PPP4R3A: variants seen among roughly 807,000 people sequenced by gnomAD.
PPP4R3A encodes serine/threonine-protein phosphatase 4 regulatory subunit 3A.
Under a neutral mutation model 91.7 loss-of-function variants are expected in PPP4R3A, and 15 were observed. The observed-to-expected ratio is 0.16, with a 90% CI of 0.11 to 0.25. The LOEUF (loss-of-function observed/expected upper bound fraction) is 0.25. Among genes scored for constraint, PPP4R3A ranks in the 10% least tolerant of loss-of-function variants. The pLI, the probability that PPP4R3A is intolerant of heterozygous loss-of-function variation, is 1.00. For missense variants in PPP4R3A, 623 were observed against 998.4 expected (o/e 0.62, Z 5.07); for synonymous variants, 377 against 348.7 (o/e 1.08, Z -0.91).
Position 91,473,666 on chromosome 14 carries a change from T to A in PPP4R3A, c.1267-296A>T, listed in dbSNP as rs536685799. Among the ~76,000 whole-genome samples the A allele has an allele frequency of 3.3e-5, 5 of 152,384 alleles. No individual in the cohort carries two copies. In the South Asian group the frequency reaches 1.0e-3, roughly 32 times the overall value. Reference sequence around the variant, plus strand: ...ATATATCTTTACAACTTTCTAATAATGTAATCTACCTTTTGAAGAAAGCCA... The same window carrying A: ...ATATATCTTTACAACTTTCTAATAAAGTAATCTACCTTTTGAAGAAAGCCA... On this transcript the variant is annotated intron_variant, in intron 7 of 14. Coordinates refer to ENST00000554943, the MANE Select transcript of PPP4R3A (RefSeq NM_001366432.2).
At chr14:91,475,677 G>T (rs1197689494) in intron 7 of PPP4R3A, 134 bp downstream of exon 7, 4 of 798,056 alleles carry the variant, frequency 5.0e-6, no homozygotes, top group Admixed American at 6.4e-5. Flanking sequence ...AACCAATTTA[G>T]GGGAACAATA....
At position 91,461,465 on chromosome 14, in the gene PPP4R3A, C is replaced by G; in HGVS notation, c.2307G>C (p.Pro769=). 6.2e-7 allele frequency: 1 copy of G among 1,614,038 alleles called. No individual in the cohort carries two copies. Among genetic ancestry groups the G allele is most frequent in the Non-Finnish European group, 8.5e-7 (1 of 1,180,000 alleles). ...QSSTTNLPGS[P]GSPGSPGSPG... ...GAGATCCTGGGGATCCAGGTGATCCCGGAGAACCAGGCAGATTTGTTGTAG... is the reference window on the plus strand; with the variant it reads ...GAGATCCTGGGGATCCAGGTGATCCGGGAGAACCAGGCAGATTTGTTGTAG... The change falls in exon 14 of 15, where the codon CCG becomes CCC. Residue 769 remains proline, a synonymous_variant. Coordinates refer to ENST00000554943, the MANE Select transcript of PPP4R3A (RefSeq NM_001366432.2).
At chr14:91,489,533 A>C (rs1890108314) in intron 2 of PPP4R3A, among the ~76,000 whole-genome samples, 1 of 152,178 alleles carries the variant, frequency 6.6e-6, no homozygotes, top group Non-Finnish European at 1.5e-5. Flanking sequence ...TATTACAGCA[A>C]CTTTTCCCCA....
chr14:91,496,010 A>G (rs538657414), intron 1 of PPP4R3A, among the ~76,000 whole-genome samples: 1 of 152,250 alleles, frequency 6.6e-6, no homozygotes, highest in African/African-American at 2.4e-5. Context: ...CAATGTTAAT[A>G]TATGAATCAA....
At chr14:91,460,869 T>C (rs1283235181) in intron 14 of PPP4R3A, among the ~76,000 whole-genome samples, 2 of 152,192 alleles carry the variant, frequency 1.3e-5, no homozygotes, top group African/African-American at 4.8e-5. Flanking sequence ...CCTGCCCGCC[T>C]CAGCCTCCCA....
At chr14:91,477,096 A>T in intron 4 of PPP4R3A, 110 bp from the exon 5 acceptor site, 183 of 590,006 alleles carry the variant, frequency 3.1e-4, no homozygotes, top group Non-Finnish European at 3.9e-4. Context: ...GAAAGGTGGT[A>T]TTGGCAATGC....
chr14:91,462,323 T>C (rs922623041), intron 12 of PPP4R3A, 84 bp from the exon 13 acceptor site: 29 of 1,270,914 alleles, frequency 2.3e-5, no homozygotes, highest in East Asian at 2.8e-5. Context: ...CTTGTTAACA[T>C]AGGGAATTAA....
chr14:91,473,340 G>C lies in PPP4R3A; in HGVS notation c.1297C>G (p.His433Asp). Residue 433 changes from histidine to aspartate, a missense_variant, in exon 8 of 15, where the codon CAT becomes GAT. Coordinates refer to ENST00000554943, the MANE Select transcript of PPP4R3A (RefSeq NM_001366432.2). ...DILLINLIIE[H>D]MICDTDPELG... is the part of the protein sequence containing the mutation. ...TCAGGATCTGTATCACAAATCATATGTTCTATAATGAGGTTGATGAGCAAA... is the reference window on the plus strand; with the variant it reads ...TCAGGATCTGTATCACAAATCATATCTTCTATAATGAGGTTGATGAGCAAA... 1 of 1,613,850 alleles carries C rather than the reference G, an allele frequency of 6.2e-7. No homozygotes were observed. The highest frequency in any genetic ancestry group is 8.5e-7 in the Non-Finnish European group (1 of 1,179,976).
rs111303395 is a variant in PPP4R3A, at chr14:91,476,723, G to A, written c.993+186C>T. On this transcript the variant is annotated intron_variant, in intron 5 of 14. Transcript: ENST00000554943. Reference sequence around the variant, plus strand: ...TAGGATTACAGGTGCCCGCCACCATGCTTGGCTAATTTTTGTACTTTTTAG... The same window carrying A: ...TAGGATTACAGGTGCCCGCCACCATACTTGGCTAATTTTTGTACTTTTTAG... Among the ~76,000 whole-genome samples, 2,983 of 152,262 alleles carry A rather than the reference G, an allele frequency of 0.02. 58 individuals carry two copies. The highest frequency in any genetic ancestry group is 0.051 in the Admixed American group (776 of 15,300).
chr14:91,508,579 T>G (rs1891556347), intron 1 of PPP4R3A, among the ~76,000 whole-genome samples: 6 of 152,188 alleles, frequency 3.9e-5, no homozygotes. Context: ...TTAAGTGAAA[T>G]TCACTGTATA....
Position 91,509,657 on chromosome 14 carries a change from C to A in PPP4R3A, c.-10G>T, listed in dbSNP as rs746517637. ...GCCGGGTGTCGGTCATCGTGCCGCC[C>A]GGGAACCGGGGCGGGGGCCCCGCCA... On this transcript the variant is annotated 5_prime_UTR_variant, in exon 1 of 15. Transcript: ENST00000554943. The A allele has an allele frequency of 1.3e-6, 2 of 1,590,002 alleles. No individual in the cohort carries two copies. The highest frequency in any genetic ancestry group is 2.3e-5 in the East Asian group (1 of 44,262).
At chr14:91,499,047 A>G (rs1040685483) in intron 1 of PPP4R3A, among the ~76,000 whole-genome samples, 6 of 151,904 alleles carry the variant, frequency 3.9e-5, no homozygotes, top group Non-Finnish European at 1.5e-5. Flanking sequence ...CTGGCCTCCC[A>G]AAGTGCTGGG....
rs541607934 is a variant in PPP4R3A, at chr14:91,496,373, G to C, written c.143-5571C>G. 5.3e-5 allele frequency among the ~76,000 whole-genome samples: 8 copies of C among 152,296 alleles called. No individual in the cohort carries two copies. In the South Asian group the frequency reaches 1.7e-3, roughly 32 times the overall value. ...GGGGATTGAGGTTGTTATTCAAGTT[G>C]TGCTTTCAAGAAACACACGCCTGAT... On this transcript the variant is annotated intron_variant, in intron 1 of 14. Coordinates refer to ENST00000554943, the MANE Select transcript of PPP4R3A (RefSeq NM_001366432.2).
intron 1 of PPP4R3A, 24 bp downstream of exon 1, chr14:91,509,482 C>T (rs1344670181): frequency 1.3e-6 from 2 of 1,568,748 alleles, no homozygotes; most frequent in Admixed American, 1.8e-5. Context: ...CTGCGAGGGT[C>T]CCGCCGCGCG....
At chr14:91,467,144 C>T (rs917002053) in intron 10 of PPP4R3A, among the ~76,000 whole-genome samples, 7 of 152,174 alleles carry the variant, frequency 4.6e-5, no homozygotes, top group African/African-American at 1.4e-4. Flanking sequence ...TTTCCATTTG[C>T]TCTTACATTT....
chr14:91,459,728 G>C (rs960069298), intron 14 of PPP4R3A, among the ~76,000 whole-genome samples: 10 of 151,702 alleles, frequency 6.6e-5, no homozygotes, highest in Non-Finnish European at 1.5e-4. Context: ...CCAGCTACTT[G>C]GGAGGCTGAG....
intron 10 of PPP4R3A, chr14:91,466,505 G>A: frequency 1.1e-6 from 1 of 891,622 alleles, no homozygotes; most frequent in Non-Finnish European, 1.3e-6. Flanking sequence ...ATTAGGTACA[G>A]TTGATTATTA....
intron 14 of PPP4R3A, among the ~76,000 whole-genome samples, chr14:91,459,166 G>C (rs1298731540): frequency 6.6e-6 from 1 of 152,004 alleles, no homozygotes; most frequent in Non-Finnish European, 1.5e-5. Context: ...GTGCAGTGGT[G>C]CGATCTCGGC....
chr14:91,488,111 G>A (rs1000387801), intron 2 of PPP4R3A, among the ~76,000 whole-genome samples: 1 of 151,992 alleles, frequency 6.6e-6, no homozygotes, highest in African/African-American at 2.4e-5. Flanking sequence ...ATTGCTTGAG[G>A]CCAGGAGTTG....
Sources: gnomAD v4.1 joint callset for allele counts (sites outside exome capture counted in the v4.1 genomes callset) on GRCh38, gnomAD v4.1.1 for gene constraint, MANE v1.5 for transcripts, NCBI Gene and HGNC (gene_info 2026-07-23, HGNC 2026-07-21) for gene names.